Variants in TTYH2 observed in about 807,000 individuals in gnomAD.
TTYH2 encodes the protein protein tweety homolog 2.
Under a neutral mutation model 68.3 loss-of-function variants are expected in TTYH2, and 49 were observed. That is an observed-to-expected ratio of 0.72 (90% CI 0.57 to 0.91). The LOEUF (loss-of-function observed/expected upper bound fraction) is 0.91. Among genes scored for constraint, TTYH2 ranks in the 40% least tolerant of loss-of-function variants. The pLI, the probability that TTYH2 is intolerant of heterozygous loss-of-function variation, is 0.00. For synonymous variants in TTYH2, 272 were observed against 300.8 expected (o/e 0.90, Z 0.99); for missense variants, 631 against 700.4 (o/e 0.90, Z 1.12).
At position 74,230,562 on chromosome 17, in the gene TTYH2, G is replaced by A. The variant is rs116956072; in HGVS notation, c.303-326G>A. On this transcript the variant is annotated intron_variant, in intron 2 of 13. Coordinates refer to ENST00000269346, the MANE Select transcript of TTYH2 (RefSeq NM_032646.6). ...TTTAGGGTGGAGTAAGAGGCTGTGC[G>A]TGTGTGGGGCAGCAGATATATGGGA... 6.8e-4 allele frequency among the ~76,000 whole-genome samples: 103 copies of A among 152,242 alleles called. 1 individual carries two copies. In the East Asian group the frequency reaches 0.014, roughly 21 times the overall value.
intron 3 of TTYH2, among the ~76,000 whole-genome samples, chr17:74,235,484 G>A (rs549369594): frequency 2.0e-5 from 3 of 152,348 alleles, no homozygotes; most frequent in South Asian, 2.1e-4. Flanking sequence ...GCTGCACCCC[G>A]GGGTTCTGCA....
chr17:74,228,086 C>A (rs533611913), intron 2 of TTYH2, among the ~76,000 whole-genome samples: 1 of 149,288 alleles, frequency 6.7e-6, no homozygotes, highest in Admixed American at 6.7e-5. Context: ...TGGGTTCTAG[C>A]GATTCTCCTG....
At chr17:74,236,672 G>C (rs2035181) in intron 3 of TTYH2, among the ~76,000 whole-genome samples, 62,270 of 152,036 alleles carry the variant, frequency 0.41, 13,328 homozygotes, top group African/African-American at 0.52. Flanking sequence ...GCCTCAGCCT[G>C]CAACACATAA....
intron 5 of TTYH2, among the ~76,000 whole-genome samples, 193 bp downstream of exon 5, chr17:74,243,662 G>A (rs1415063125): frequency 6.6e-6 from 1 of 152,214 alleles, no homozygotes; most frequent in Admixed American, 6.5e-5. Context: ...GTCACCAAAC[G>A]AGCAAGCATT....
At chr17:74,251,483 A>T (rs2050629127) in intron 10 of TTYH2, among the ~76,000 whole-genome samples, 1 of 151,984 alleles carries the variant, frequency 6.6e-6, no homozygotes, top group African/African-American at 2.4e-5. Context: ...CTGACCTCAG[A>T]GCTAAGAACA....
In TTYH2 at chr17:74,237,321, G is replaced by C. The variant is rs769504243; in HGVS notation, c.442G>C (p.Val148Leu). 1.9e-6 allele frequency: 3 copies of C among 1,613,944 alleles called. No individual in the cohort carries two copies. The highest frequency in any genetic ancestry group is 2.2e-5 in the South Asian group (2 of 91,084). ...LVSGTTQKMK[V>L]DLEQHLARLS... ...TTCCGGAACTACCCAGAAGATGAAG[G>C]TGGACCTAGAGCAGCACCTGGCCCG... Residue 148 changes from valine (V) to leucine (L), a missense_variant, in exon 4 of 14, where the codon GTG becomes CTG. Transcript: ENST00000269346.
At chr17:74,221,768 T>C (rs1239796288) in intron 1 of TTYH2, among the ~76,000 whole-genome samples, 2 of 152,162 alleles carry the variant, frequency 1.3e-5, no homozygotes, top group Non-Finnish European at 2.9e-5. Context: ...CTGCTGCCTC[T>C]GGCACTGGAG....
intron 2 of TTYH2, among the ~76,000 whole-genome samples, chr17:74,224,867 C>T (rs554147696): frequency 2.0e-5 from 3 of 152,194 alleles, no homozygotes; most frequent in East Asian, 1.9e-4. Context: ...GGCGTGGTGG[C>T]GAGTGCCTGT....
At chr17:74,224,775 G>A (rs2050313237) in intron 2 of TTYH2, among the ~76,000 whole-genome samples, 1 of 152,194 alleles carries the variant, frequency 6.6e-6, no homozygotes, top group South Asian at 2.1e-4. Context: ...CAAGGTGGGT[G>A]GATCACTTGA....
At chr17:74,252,886 A>T (rs2050649807) in intron 11 of TTYH2, among the ~76,000 whole-genome samples, 195 bp from the exon 12 acceptor site, 1 of 152,134 alleles carries the variant, frequency 6.6e-6, no homozygotes, top group South Asian at 2.1e-4. Context: ...AGCCTGGAAG[A>T]GCTGGTCGTG....
chr17:74,242,208 A>C (rs1043333598), intron 4 of TTYH2, among the ~76,000 whole-genome samples: 7 of 152,084 alleles, frequency 4.6e-5, no homozygotes, highest in Admixed American at 3.9e-4. Flanking sequence ...TGGGGACAAA[A>C]AGGCCAGAGG....
Position 74,214,027 on chromosome 17 carries a change from G to A in TTYH2, c.129+311G>A, listed in dbSNP as rs866716680. Reference sequence around the variant, plus strand: ...GAACGCTGAGCGGGCAGGGCGGCGCGGGGGAGGGGTAAGGACAGGGGCATT... The same window carrying A: ...GAACGCTGAGCGGGCAGGGCGGCGCAGGGGAGGGGTAAGGACAGGGGCATT... On this transcript the variant is annotated intron_variant, in intron 1 of 13. Transcript: ENST00000269346. This position sits in a 1 kb window ranked among gnomAD's most constrained non-coding sequence, Gnocchi z 4.6. 1.3e-5 allele frequency among the ~76,000 whole-genome samples: 2 copies of A among 152,182 alleles called. No individual in the cohort carries two copies. Among genetic ancestry groups the A allele is most frequent in the Admixed American group, 6.5e-5 (1 of 15,288 alleles).
chr17:74,228,045 G>A (rs2050349910), intron 2 of TTYH2, among the ~76,000 whole-genome samples: 1 of 144,898 alleles, frequency 6.9e-6, no homozygotes, highest in African/African-American at 2.7e-5. Flanking sequence ...GTGAAATGGT[G>A]CAATCGTTGC....
At chr17:74,219,206 A>C in intron 1 of TTYH2, among the ~76,000 whole-genome samples, 1 of 146,104 alleles carries the variant, frequency 6.8e-6, no homozygotes, top group African/African-American at 2.7e-5. Context: ...AGAGAGCAAG[A>C]CTCCGTCTCA....
At chr17:74,231,318 T>C (rs1022335566) in intron 3 of TTYH2, among the ~76,000 whole-genome samples, 5 of 152,208 alleles carry the variant, frequency 3.3e-5, no homozygotes, top group Non-Finnish European at 7.4e-5. Context: ...TCAGCCCCAC[T>C]GCATTTTTTG....
intron 6 of TTYH2, among the ~76,000 whole-genome samples, chr17:74,244,941 G>C (rs1293444987): frequency 6.6e-6 from 1 of 152,070 alleles, no homozygotes. Flanking sequence ...TTTACCAGGG[G>C]AATTCAAGGA....
Position 74,232,179 on chromosome 17 carries a change from A to G in TTYH2, c.414+1180A>G, listed in dbSNP as rs1178115976. Among the ~76,000 whole-genome samples the G allele has an allele frequency of 1.3e-5, 2 of 152,152 alleles. No homozygotes were observed. Among genetic ancestry groups the G allele is most frequent in the African/African-American group, 4.8e-5 (2 of 41,426 alleles). On this transcript the variant is annotated intron_variant, in intron 3 of 13. Transcript: ENST00000269346. This position sits in a 1 kb window ranked among gnomAD's most constrained non-coding sequence, Gnocchi z 5.1. ...TGGCCATTGCCCCGGCATCCTCCAG[A>G]AGAGGATTGGACCCCATTTGCCCCC...
At position 74,222,352 on chromosome 17, in the gene TTYH2, C is replaced by A; in HGVS notation, c.130-133C>A. 9.2e-7 allele frequency: 1 copy of A among 1,092,344 alleles called. No individual in the cohort carries two copies. The highest frequency in any genetic ancestry group is 1.3e-6 in the Non-Finnish European group (1 of 783,446). The allele number at this position is 1,092,344 out of a possible 1,614,324, so 67.7% of individuals were successfully genotyped here. A position where few individuals can be genotyped will look rare whatever the true frequency, so the allele number is the denominator to read the frequency against. ...TGTTTACAGAGTAGGAGCTTGAACC[C>A]TAGGTGGAGCTTGGAAGGATGGACG... On this transcript the variant is annotated intron_variant, in intron 1 of 13. Transcript: ENST00000269346. The surrounding 1 kb of genome is among the most constrained non-coding windows in gnomAD (Gnocchi z 5.2).
At chr17:74,244,874 GTGTGTGTGTT>G (rs1360990835) in intron 6 of TTYH2, among the ~76,000 whole-genome samples, 12 of 151,998 alleles carry the variant, frequency 7.9e-5, no homozygotes, top group Non-Finnish European at 1.3e-4. Context: ...GTGTGTGTGT[GTGTGTGTGTT>G]TGTGTGTGTG....
Sources: gnomAD v4.1 joint callset for allele counts (sites outside exome capture counted in the v4.1 genomes callset) on GRCh38, gnomAD v4.1.1 for gene constraint, Gnocchi (gnomAD v3.1) non-coding constraint, MANE v1.5 for transcripts, NCBI Gene and HGNC (gene_info 2026-07-23, HGNC 2026-07-21) for gene names.